The following PRKCA variants were observed in gnomAD, a reference collection of about 807,000 sequenced individuals.
The protein encoded by PRKCA is protein kinase C alpha type.
PRKCA carries 27 observed loss-of-function variants against 87.0 expected under a neutral mutation model. The ratio of observed to expected loss-of-function variants is 0.31; its 90% confidence interval spans 0.23 to 0.43. The LOEUF (loss-of-function observed/expected upper bound fraction) is 0.43, where lower values mean the gene tolerates loss of function less well. Ranked by LOEUF, PRKCA falls within the 20% of genes least tolerant of loss-of-function variation. The pLI, the probability that PRKCA is intolerant of heterozygous loss-of-function variation, is 1.00. For synonymous variants in PRKCA, 329 were observed against 311.1 expected (o/e 1.06, Z -0.61); for missense variants, 518 against 852.3 (o/e 0.61, Z 4.88).
At chr17:66,565,283 G>T (rs1245563823) in intron 3 of PRKCA, among the ~76,000 whole-genome samples, 1 of 152,134 alleles carries the variant, frequency 6.6e-6, no homozygotes, top group African/African-American at 2.4e-5. Flanking sequence ...CTTGTCTCCA[G>T]CCCAGCTCTT....
At chr17:66,457,759 T>A (rs1243554883) in intron 2 of PRKCA, among the ~76,000 whole-genome samples, 1 of 152,168 alleles carries the variant, frequency 6.6e-6, no homozygotes, top group Non-Finnish European at 1.5e-5. Context: ...CCTTCCATCA[T>A]GATTGTAAGT....
chr17:66,646,051 C>G (rs574285982), intron 5 of PRKCA, among the ~76,000 whole-genome samples: 2 of 152,322 alleles, frequency 1.3e-5, no homozygotes, highest in East Asian at 3.9e-4. Context: ...TTATTAGCCT[C>G]GTTTTCCAGA....
intron 3 of PRKCA, among the ~76,000 whole-genome samples, chr17:66,528,435 C>T (rs1967422495): frequency 6.6e-6 from 1 of 151,942 alleles, no homozygotes; most frequent in Non-Finnish European, 1.5e-5. Flanking sequence ...GAGAGATTAC[C>T]CTGGGTTATC....
intron 2 of PRKCA, among the ~76,000 whole-genome samples, chr17:66,483,199 T>G (rs898031920): frequency 2.6e-5 from 4 of 152,180 alleles, no homozygotes; most frequent in Admixed American, 2.6e-4. Flanking sequence ...CATAACAAAT[T>G]ACCACAAACC....
chr17:66,776,054 C>A (rs1318415690), intron 14 of PRKCA, among the ~76,000 whole-genome samples: 1 of 152,216 alleles, frequency 6.6e-6, no homozygotes, highest in Non-Finnish European at 1.5e-5. Context: ...AGGGAGCCAC[C>A]ACGCGAAGGC....
intron 3 of PRKCA, among the ~76,000 whole-genome samples, chr17:66,606,370 A>G (rs977563544): frequency 5.9e-5 from 9 of 152,234 alleles, no homozygotes; most frequent in Non-Finnish European, 1.5e-5. Flanking sequence ...TCAGTCTGGT[A>G]ACAGAGTGAG....
chr17:66,735,952 ACT>A (rs1974014956), intron 10 of PRKCA, among the ~76,000 whole-genome samples: 2 of 120,484 alleles, frequency 1.7e-5, no homozygotes, highest in South Asian at 5.0e-4. Context: ...ACAGGATCTC[ACT>A]CTCTCGCCCA....
intron 2 of PRKCA, among the ~76,000 whole-genome samples, chr17:66,495,856 G>A (rs540930210): frequency 6.6e-6 from 1 of 151,894 alleles, no homozygotes; most frequent in South Asian, 2.1e-4. Context: ...GGCATGAACC[G>A]CTGTGCCCGG....
intron 3 of PRKCA, among the ~76,000 whole-genome samples, chr17:66,617,823 T>A (rs147155835): frequency 6.6e-6 from 1 of 152,296 alleles, no homozygotes; most frequent in East Asian, 1.9e-4. Context: ...TACGAACTTC[T>A]TATGTTACAA....
intron 2 of PRKCA, among the ~76,000 whole-genome samples, chr17:66,446,238 A>AGC (rs1801918178): frequency 6.6e-6 from 1 of 150,788 alleles, no homozygotes; most frequent in South Asian, 2.1e-4. Flanking sequence ...CTCTCTTCCC[A>AGC]ACACACACAC....
At chr17:66,725,489 G>A (rs1973723222) in intron 8 of PRKCA, among the ~76,000 whole-genome samples, 1 of 152,028 alleles carries the variant, frequency 6.6e-6, no homozygotes, top group African/African-American at 2.4e-5. Context: ...GGATCTCACA[G>A]GCTAGTGAGG....
intron 2 of PRKCA, among the ~76,000 whole-genome samples, chr17:66,363,634 T>C (rs1046741660): frequency 2.0e-5 from 3 of 152,264 alleles, no homozygotes; most frequent in African/African-American, 7.2e-5. Context: ...GCATCTTCCA[T>C]GTGCTCTGCA....
intron 2 of PRKCA, among the ~76,000 whole-genome samples, chr17:66,476,267 G>A (rs918191055): frequency 4.6e-5 from 7 of 152,154 alleles, no homozygotes; most frequent in Non-Finnish European, 2.9e-5. Context: ...TTAGATGTAC[G>A]TGGTCACACT....
chr17:66,666,611 C>T (rs1340922192), intron 5 of PRKCA, among the ~76,000 whole-genome samples: 1 of 152,096 alleles, frequency 6.6e-6, no homozygotes, highest in Non-Finnish European at 1.5e-5. Flanking sequence ...TCCTACTACC[C>T]AAGGAAGGGA....
At chr17:66,799,777 G>T (rs1975857815) in intron 16 of PRKCA, among the ~76,000 whole-genome samples, 1 of 151,978 alleles carries the variant, frequency 6.6e-6, no homozygotes, top group Non-Finnish European at 1.5e-5. Context: ...ATAGTAGATT[G>T]TCTATTTCCA....
intron 2 of PRKCA, among the ~76,000 whole-genome samples, chr17:66,411,642 C>T (rs890485052): frequency 3.3e-5 from 5 of 151,902 alleles, no homozygotes; most frequent in African/African-American, 7.3e-5. Context: ...GACAGTTGCC[C>T]GAATGGTGCA....
intron 2 of PRKCA, among the ~76,000 whole-genome samples, chr17:66,490,340 G>T (rs990541486): frequency 6.7e-6 from 1 of 148,752 alleles, no homozygotes; most frequent in African/African-American, 2.4e-5. Context: ...TCCATTTCCA[G>T]AACTCTTTTT....
chr17:66,404,876 A>G (rs1016820786), intron 2 of PRKCA, among the ~76,000 whole-genome samples: 2 of 148,780 alleles, frequency 1.3e-5, no homozygotes, highest in Non-Finnish European at 3.0e-5. Flanking sequence ...CAGCCTCCTG[A>G]GTAGCTGAGA....
At chr17:66,711,901 A>T (rs963027593) in intron 8 of PRKCA, among the ~76,000 whole-genome samples, 1 of 152,230 alleles carries the variant, frequency 6.6e-6, no homozygotes, top group African/African-American at 2.4e-5. Flanking sequence ...ACCTAGAGAT[A>T]CTGGAAATGA....
Sources: gnomAD v4.1 joint callset for allele counts (sites outside exome capture counted in the v4.1 genomes callset) on GRCh38, gnomAD v4.1.1 for gene constraint, MANE v1.5 for transcripts, NCBI Gene and HGNC (gene_info 2026-07-23, HGNC 2026-07-21) for gene names.